The following FAN1 variants were observed in gnomAD, a reference collection of about 807,000 sequenced individuals.
The protein encoded by FAN1 is FANCD2 and FANCI associated nuclease 1.
In FAN1, 91 loss-of-function variants were observed where a neutral mutation model predicts 104.9. The observed-to-expected ratio is 0.87, with a 90% CI of 0.73 to 1.03. The LOEUF is 1.03. Ranked by LOEUF, FAN1 falls within the 50% of genes least tolerant of loss-of-function variation. FAN1 has a pLI of 0.00. For missense variants in FAN1, 1,263 were observed against 1,239.9 expected (o/e 1.02, Z -0.28); for synonymous variants, 478 against 457.6 (o/e 1.04, Z -0.57).
chr15:30,940,488 ATTAG>A, intron 14 of FAN1: 1 of 985,362 alleles, frequency 1.0e-6, no homozygotes, highest in South Asian at 4.7e-5. Flanking sequence ...TCGTAACCTC[ATTAG>A]TTATTTCCAG....
chr15:30,927,983 C>G, intron 10 of FAN1: 5 of 985,784 alleles, frequency 5.1e-6, no homozygotes, highest in Non-Finnish European at 6.0e-6. Context: ...GGCCAGATGT[C>G]TCTGTAAAAG....
At chr15:30,940,328 C>A in intron 14 of FAN1, 1 of 985,392 alleles carries the variant, frequency 1.0e-6, no homozygotes, top group Non-Finnish European at 1.2e-6. Context: ...TGCTCATTCT[C>A]CTCAACTTTG....
At chr15:30,929,799 T>TATATC (rs1320211760) in intron 12 of FAN1, among the ~76,000 whole-genome samples, 1 of 70,364 alleles carries the variant, frequency 1.4e-5, no homozygotes, top group African/African-American at 7.5e-5. Flanking sequence ...TATAATATAA[T>TATATC]ATATAAAATA....
intron 4 of FAN1, chr15:30,911,246 T>G (rs1312202083): frequency 1.0e-5 from 10 of 989,892 alleles, no homozygotes; most frequent in East Asian, 1.1e-4. Flanking sequence ...GTGAGTGGCT[T>G]CTTTTGTCCT....
At chr15:30,927,750 C>T in intron 10 of FAN1, 1 of 985,736 alleles carries the variant, frequency 1.0e-6, no homozygotes, top group Non-Finnish European at 1.2e-6. Context: ...GTCGGGAGGG[C>T]TGATGTGCAG....
At chr15:30,933,319 G>A (rs1395471439) in intron 13 of FAN1, among the ~76,000 whole-genome samples, 1 of 151,992 alleles carries the variant, frequency 6.6e-6, no homozygotes, top group Admixed American at 6.6e-5. Flanking sequence ...TTTAGTAGTT[G>A]TTTTCATTTT....
intron 12 of FAN1, among the ~76,000 whole-genome samples, chr15:30,929,683 AATAT>A (rs1202749703): frequency 8.6e-6 from 1 of 116,178 alleles, no homozygotes; most frequent in Non-Finnish European, 1.6e-5. Context: ...TATATCATAT[AATAT>A]ATATAAAATA....
intron 10 of FAN1, chr15:30,928,154 G>A (rs2062512677): frequency 8.9e-6 from 9 of 1,011,706 alleles, no homozygotes; most frequent in African/African-American, 1.7e-5. Context: ...AGGGACCTCC[G>A]GCATCAGGGC....
intron 14 of FAN1, chr15:30,939,606 C>T: frequency 1.1e-6 from 1 of 927,876 alleles, no homozygotes; most frequent in Non-Finnish European, 1.3e-6. Flanking sequence ...ATTAATAGTA[C>T]CTAATATTTT....
chr15:30,928,549 T>C lies in FAN1; in HGVS notation c.2489-4T>C. 1 of 1,560,782 alleles carries C rather than the reference T, an allele frequency of 6.4e-7. No individual in the cohort carries two copies. The highest frequency in any genetic ancestry group is 8.8e-7 in the Non-Finnish European group (1 of 1,137,274). On this transcript the variant is annotated splice_polypyrimidine_tract_variant and splice_region_variant and intron_variant, in intron 10 of 14. Coordinates refer to ENST00000362065, the MANE Select transcript of FAN1 (RefSeq NM_014967.5). Reference sequence around the variant, plus strand: ...GTGTGTGTGTGTGTGTGACCTTGTCTTAGGGATTCATGGCGAAGGGTCCAC... The same window carrying C: ...GTGTGTGTGTGTGTGTGACCTTGTCCTAGGGATTCATGGCGAAGGGTCCAC...
chr15:30,904,625 G>A lies in FAN1; in HGVS notation c.-39G>A. On this transcript the variant is annotated 5_prime_UTR_variant, in exon 2 of 15. The change creates a new upstream start codon in the 5' untranslated region. Coordinates refer to ENST00000362065, the MANE Select transcript of FAN1 (RefSeq NM_014967.5). ...TGCTATCTTTCACCTTAAATATCCTGTGTTTTATTGCTCAGAACATCCAGT... is the reference window on the plus strand; with the variant it reads ...TGCTATCTTTCACCTTAAATATCCTATGTTTTATTGCTCAGAACATCCAGT... 1 of 1,595,756 alleles carries A rather than the reference G, an allele frequency of 6.3e-7. No individual in the cohort carries two copies. Among genetic ancestry groups the A allele is most frequent in the Non-Finnish European group, 8.6e-7 (1 of 1,166,680 alleles).
chr15:30,909,093 GTTGTC>G (rs10616465), intron 3 of FAN1, among the ~76,000 whole-genome samples: 5,703 of 152,222 alleles, frequency 0.037, 344 homozygotes, highest in African/African-American at 0.13. Context: ...GATACCCTTC[GTTGTC>G]TTGTCAGTAG....
Position 30,941,832 on chromosome 15 carries a change from T to G in FAN1, c.*270T>G. On this transcript the variant is annotated 3_prime_UTR_variant, in exon 15 of 15. Transcript: ENST00000362065. ...GGAACCCAGCGGAAGTAGCACAGTTTCCACAGTTTTATGTGTGTTCCAGAG... is the reference window on the plus strand; with the variant it reads ...GGAACCCAGCGGAAGTAGCACAGTTGCCACAGTTTTATGTGTGTTCCAGAG... 6.2e-7 allele frequency: 1 copy of G among 1,614,048 alleles called. No homozygotes were observed. The highest frequency in any genetic ancestry group is 8.5e-7 in the Non-Finnish European group (1 of 1,179,900).
At chr15:30,907,254 A>G (rs1255515139) in intron 2 of FAN1, among the ~76,000 whole-genome samples, 3 of 152,152 alleles carry the variant, frequency 2.0e-5, no homozygotes, top group Admixed American at 2.0e-4. Flanking sequence ...ATGGTGGCTC[A>G]GGCCTGTAAT....
rs2061924423 is a variant in FAN1 at position 30,904,498 on chromosome 15, G to A, written c.-152-14G>A. ...ATAAAAATGTTTTTAATTTATATGT[G>A]TTTCTTCTTGTAGGAAGAAGAAATT... On this transcript the variant is annotated splice_polypyrimidine_tract_variant and intron_variant, in intron 1 of 14. Transcript: ENST00000362065. The A allele has an allele frequency of 1.3e-6, 1 of 772,136 alleles. No individual in the cohort carries two copies. Among genetic ancestry groups the A allele is most frequent in the East Asian group, 2.4e-5 (1 of 41,190 alleles). The allele number at this position is 772,136 out of a possible 1,614,324, so 47.8% of individuals were successfully genotyped here.
intron 4 of FAN1, among the ~76,000 whole-genome samples, chr15:30,912,020 C>A (rs545094567): frequency 2.2e-4 from 34 of 151,148 alleles, no homozygotes; most frequent in African/African-American, 8.3e-4. Flanking sequence ...TGAGATCGCG[C>A]CACTGCACAC....
Position 30,929,334 on chromosome 15 carries a change from G to A in FAN1, c.2724G>A (p.Glu908=). The A allele has an allele frequency of 6.2e-7, 1 of 1,611,726 alleles. No homozygotes were observed. The highest frequency in any genetic ancestry group is 8.5e-7 in the Non-Finnish European group (1 of 1,179,052). ...CCTGGGTGGCAGCCACGTGGCATGA[G>A]CAGGAAGGCAGAGTGGCTTCCCTTG... ...LRAWVAATWH[E]QEGRVASLVS... Residue 908 remains glutamate (E), a synonymous_variant, in exon 12 of 15, where the codon GAG becomes GAA. Transcript: ENST00000362065.
At chr15:30,922,598 C>T (rs1378157377) in intron 8 of FAN1, among the ~76,000 whole-genome samples, 1 of 152,144 alleles carries the variant, frequency 6.6e-6, no homozygotes, top group Non-Finnish European at 1.5e-5. Flanking sequence ...TTACTGTGGA[C>T]TCTGTGCTGG....
Position 30,942,754 on chromosome 15 carries a change from A to C in FAN1, c.*1192A>C. 1 of 892,958 alleles carries C rather than the reference A, an allele frequency of 1.1e-6. No homozygotes were observed. Among genetic ancestry groups the C allele is most frequent in the Admixed American group, 3.3e-5 (1 of 30,484 alleles). 55.3% of individuals were successfully genotyped at this position (892,958 alleles called of 1,614,324 possible). A position where few individuals can be genotyped will look rare whatever the true frequency, so the allele number is the denominator to read the frequency against. On this transcript the variant is annotated 3_prime_UTR_variant, in exon 15 of 15. Coordinates refer to ENST00000362065, the MANE Select transcript of FAN1 (RefSeq NM_014967.5). ...CTGGGATACAGTCATTTGAGTTAAA[A>C]AGGGAATGACCCCTCAGAAACCCGC... is the stretch of plus-strand genomic sequence containing the variant.
Sources: allele counts gnomAD v4.1 joint callset (sites outside exome capture counted in the v4.1 genomes callset), GRCh38; gene constraint gnomAD v4.1.1; transcripts MANE v1.5; gene names NCBI Gene and HGNC (gene_info 2026-07-23, HGNC 2026-07-21).